The following IL2RB variants were observed in gnomAD, a reference collection of about 807,000 sequenced individuals.
IL2RB encodes interleukin-2 receptor subunit beta.
IL2RB carries 17 observed loss-of-function variants against 44.2 expected under a neutral mutation model. That is an observed-to-expected ratio of 0.38 (90% CI 0.26 to 0.58). The LOEUF is 0.58. Among genes scored for constraint, IL2RB ranks in the 20% least tolerant of loss-of-function variants. IL2RB has a pLI of 0.63. For missense variants in IL2RB, 624 were observed against 685.5 expected, an observed-to-expected ratio of 0.91 and a Z score of 1.00; for synonymous variants, 286 against 297.9, an observed-to-expected ratio of 0.96 and a Z score of 0.41.
chr22:37,152,705 T>C (rs923301455), upstream of IL2RB, among the ~76,000 whole-genome samples: 1 of 152,074 alleles, frequency 6.6e-6, no homozygotes, highest in South Asian at 2.1e-4. Context: ...TCCCCCTTTT[T>C]TGGCGGGGGA....
At chr22:37,174,152 G>A (rs560118485) in intron 1 of IL2RB, among the ~76,000 whole-genome samples, 7 of 152,180 alleles carry the variant, frequency 4.6e-5, no homozygotes, top group African/African-American at 1.7e-4. Flanking sequence ...AATGAGAAGC[G>A]AGAAGAGGCT....
Position 37,137,672 on chromosome 22 carries a change from C to T in IL2RB, c.452G>A (p.Ser151Asn). ...GTGGGAGGCTTGGGAGATTTCCCAG[C>T]TTATGTTGCATCTGTGGGTCTCCAC... Reference protein sequence around the residue: ...VHVETHRCNISWEISQASHYF... With the variant: ...VHVETHRCNINWEISQASHYF... The change falls in exon 6 of 10, where the codon AGC becomes AAC. Residue 151 changes from serine to asparagine, a missense_variant. Around this residue, in one of 3 missense-constraint regions of IL2RB, gnomAD observed 255 missense variants for 339.9 expected, o/e 0.75. Coordinates refer to ENST00000216223, the MANE Select transcript of IL2RB (RefSeq NM_000878.5). 6.2e-7 allele frequency: 1 copy of T among 1,614,134 alleles called. No homozygotes were observed. The highest frequency in any genetic ancestry group is 8.5e-7 in the Non-Finnish European group (1 of 1,179,976).
At chr22:37,164,380 G>A (rs1017883995) in intron 1 of IL2RB, among the ~76,000 whole-genome samples, 25 of 151,714 alleles carry the variant, frequency 1.6e-4, no homozygotes, top group Non-Finnish European at 3.2e-4. Context: ...GCGGCTTCAG[G>A]CCTGTGGTTT....
At chr22:37,174,057 G>T (rs1038757663) in intron 1 of IL2RB, among the ~76,000 whole-genome samples, 2 of 152,160 alleles carry the variant, frequency 1.3e-5, no homozygotes, top group African/African-American at 4.8e-5. Context: ...CTTGCCTGGG[G>T]CTCCAGCCCA....
rs573719382 is a variant in IL2RB at position 37,172,802 on chromosome 22, G to A, written c.-34+2156C>T. On this transcript the variant is annotated intron_variant, in intron 1 of 5. Coordinates refer to the IL2RB transcript ENST00000429622. ...CGATCGGGAAGACATGCATGCAGTC[G>A]GCTCTGGTGCAAGCTGGCTCCAGCC... Among the ~76,000 whole-genome samples, 11 of 152,230 alleles carry A rather than the reference G, an allele frequency of 7.2e-5. No homozygotes were observed. In the East Asian group the frequency reaches 1.4e-3, roughly 19 times the overall value.
intron 2 of IL2RB, 90 bp downstream of exon 2, chr22:37,143,995 G>A: frequency 6.5e-7 from 1 of 1,530,246 alleles, no homozygotes; most frequent in Non-Finnish European, 8.8e-7. Context: ...CTGGTCTCTG[G>A]CCCCATCCCC....
In IL2RB at chr22:37,136,406, C is replaced by T. The variant is rs1235673643; in HGVS notation, c.538-13G>A. On this transcript the variant is annotated splice_polypyrimidine_tract_variant and intron_variant, in intron 6 of 9. Transcript: ENST00000216223. ...GCAGGGGGGCCTCCTGGGTCGGAGA[C>T]AGGACTGTCAGCGCCCACCTCACCT... is the stretch of plus-strand genomic sequence containing the variant. The T allele has an allele frequency of 6.2e-7, 1 of 1,600,210 alleles. No homozygotes were observed. The highest frequency in any genetic ancestry group is 8.5e-7 in the Non-Finnish European group (1 of 1,174,338).
chr22:37,137,539 G>A (rs1343433585), intron 6 of IL2RB, 48 bp downstream of exon 6: 1 of 1,600,146 alleles, frequency 6.2e-7, no homozygotes, highest in South Asian at 1.1e-5. Flanking sequence ...CATGGACCAG[G>A]ACAGGAAGGA....
chr22:37,137,425 A>T (rs1321558799), intron 6 of IL2RB, among the ~76,000 whole-genome samples, 162 bp downstream of exon 6: 1 of 152,206 alleles, frequency 6.6e-6, no homozygotes, highest in Non-Finnish European at 1.5e-5. Context: ...AGGACGTGGA[A>T]GTCGGGGAGG....
rs1921282881 is a variant in IL2RB, at chr22:37,128,901, C to T, written c.904-53G>A. The T allele has an allele frequency of 1.3e-6, 2 of 1,544,572 alleles. No individual in the cohort carries two copies. The highest frequency in any genetic ancestry group is 4.5e-5 in the East Asian group (2 of 44,052). Reference sequence around the variant, plus strand: ...GAGTGGGGGCTTCCTTCACCCTCCACCCCTTCCTCTGGACTCTCAACAGCT... The same window carrying T: ...GAGTGGGGGCTTCCTTCACCCTCCATCCCTTCCTCTGGACTCTCAACAGCT... On this transcript the variant is annotated intron_variant, in intron 9 of 9. Coordinates refer to ENST00000216223, the MANE Select transcript of IL2RB (RefSeq NM_000878.5). The surrounding 1 kb of genome is among the most constrained non-coding windows in gnomAD (Gnocchi z 4.5).
At position 37,129,726 on chromosome 22, in the gene IL2RB, C is replaced by A. The variant is rs116877550; in HGVS notation, c.904-878G>T. Among the ~76,000 whole-genome samples, 1,358 of 152,332 alleles carry A rather than the reference C, an allele frequency of 8.9e-3. 10 individuals carry two copies. Among genetic ancestry groups the A allele is most frequent in the South Asian group, 0.024 (117 of 4,832 alleles). ...AGGTAAGCAAATGGAGATGTAAACA[C>A]CCAAAACGGGTAAGACACAGACTGC... On this transcript the variant is annotated intron_variant, in intron 9 of 9. Transcript: ENST00000216223.
chr22:37,164,202 C>A (rs192568877), intron 1 of IL2RB, among the ~76,000 whole-genome samples: 2 of 152,166 alleles, frequency 1.3e-5, no homozygotes, highest in African/African-American at 4.8e-5. Flanking sequence ...CACTACTTCA[C>A]CCCCAACCTC....
At chr22:37,156,155 C>A (rs1325098202) in intron 1 of IL2RB, among the ~76,000 whole-genome samples, 1 of 152,222 alleles carries the variant, frequency 6.6e-6, no homozygotes, top group Non-Finnish European at 1.5e-5. Context: ...ACTGTAGCCT[C>A]CAGCCTCCTG....
intron 1 of IL2RB, among the ~76,000 whole-genome samples, chr22:37,159,229 G>C (rs2145735183): frequency 6.6e-6 from 1 of 152,046 alleles, no homozygotes; most frequent in East Asian, 1.9e-4. Context: ...AGTAACACTT[G>C]CTTGCTTTTT....
At chr22:37,130,023 G>A (rs1921344304) in intron 9 of IL2RB, among the ~76,000 whole-genome samples, 1 of 150,940 alleles carries the variant, frequency 6.6e-6, no homozygotes, top group African/African-American at 2.5e-5. Flanking sequence ...CAGCTGCTCC[G>A]CAGACACACA....
chr22:37,140,286 C>CATA (rs1921898643), intron 4 of IL2RB, among the ~76,000 whole-genome samples: 1 of 145,486 alleles, frequency 6.9e-6, no homozygotes, highest in Non-Finnish European at 1.5e-5. Context: ...ATAGTAGTCT[C>CATA]ATTATTATTA....
intron 8 of IL2RB, among the ~76,000 whole-genome samples, chr22:37,134,852 G>A (rs1050041158): frequency 2.0e-5 from 3 of 152,230 alleles, no homozygotes; most frequent in Non-Finnish European, 2.9e-5. Context: ...GCCTGCCACT[G>A]TGTTCCCAGC....
At chr22:37,164,430 T>C (rs1380552744) in intron 1 of IL2RB, among the ~76,000 whole-genome samples, 1 of 142,298 alleles carries the variant, frequency 7.0e-6, no homozygotes, top group Non-Finnish European at 1.5e-5. Flanking sequence ...TGAAGTCATC[T>C]GTGCCGTTCC....
chr22:37,155,263 C>T (rs544501886), intron 1 of IL2RB, among the ~76,000 whole-genome samples: 31 of 152,290 alleles, frequency 2.0e-4, no homozygotes, highest in East Asian at 1.3e-3. Flanking sequence ...TGGTGGCCTC[C>T]GCCCTGGTCT....
Sources: allele counts gnomAD v4.1 joint callset (sites outside exome capture counted in the v4.1 genomes callset), GRCh38; gene constraint gnomAD v4.1.1; regional missense constraint gnomAD v4.1.1; non-coding constraint Gnocchi (gnomAD v3.1); transcripts MANE v1.5; gene names NCBI Gene and HGNC (gene_info 2026-07-23, HGNC 2026-07-21).